Variants in RTL9 observed in about 807,000 individuals in gnomAD.
RTL9 encodes retrotransposon Gag like 9.
In RTL9, 19 loss-of-function variants were observed where a neutral mutation model predicts 44.7. The ratio of observed to expected loss-of-function variants is 0.42; its 90% CI spans 0.30 to 0.62. RTL9 has a LOEUF of 0.62. Among genes scored for constraint, RTL9 ranks in the 20% least tolerant of loss-of-function variants. The probability of loss-of-function intolerance (pLI) is 0.16; values close to 1 mark genes in which losing one functional copy is unlikely to be tolerated. For missense variants in RTL9, 1,105 were observed against 1,080.6 expected (o/e 1.02, Z -0.32); for synonymous variants, 407 against 398.9 (o/e 1.02, Z -0.24).
intron 1 of RTL9, among the ~76,000 whole-genome samples, chrX:110,438,694 G>A (rs764945248): frequency 4.5e-5 from 5 of 110,182 alleles, no homozygotes; most frequent in Non-Finnish European, 9.5e-5. Flanking sequence ...TTTTTTTTTA[G>A]CACTGATATT....
At chrX:110,423,383 AAGG>A (rs1273161957) in intron 1 of RTL9, among the ~76,000 whole-genome samples, 2 of 110,173 alleles carry the variant, frequency 1.8e-5, no homozygotes, top group African/African-American at 6.6e-5. Context: ...GAAGAAGGAG[AAGG>A]AGAAGGAGAG....
intron 1 of RTL9, among the ~76,000 whole-genome samples, chrX:110,413,152 T>C (rs998507917): frequency 1.8e-5 from 2 of 110,306 alleles, no homozygotes; most frequent in South Asian, 3.9e-4. Context: ...ACCTCCCCAC[T>C]ACCGCCCTCT....
intron 1 of RTL9, among the ~76,000 whole-genome samples, chrX:110,401,673 G>T (rs1052311884): frequency 9.0e-6 from 1 of 111,526 alleles, no homozygotes; most frequent in African/African-American, 3.3e-5. Context: ...TTTCTCAGAT[G>T]GCTGAGGGCC....
At chrX:110,367,398 A>G (rs757639104) in intron 1 of RTL9, among the ~76,000 whole-genome samples, 1 of 111,873 alleles carries the variant, frequency 8.9e-6, no homozygotes, top group South Asian at 3.7e-4. Context: ...TATCAAGGTC[A>G]ACAATATCTC....
chrX:110,426,906 A>G (rs2068758500), intron 1 of RTL9: 1 of 112,321 alleles, frequency 8.9e-6, no homozygotes, highest in Non-Finnish European at 1.9e-5. Context: ...CCCATGTCCT[A>G]CCCTAAGCCT....
Position 110,433,833 on chromosome X carries a change from T to C in RTL9, c.-167-11320T>C, listed in dbSNP as rs530629498. Among the ~76,000 whole-genome samples, 50 of 112,585 alleles carry C rather than the reference T, an allele frequency of 4.4e-4. No individual in the cohort carries two copies. The Admixed American group carries it at 4.7e-3, about 11-fold the overall frequency. ...TAACTACAGGACTTAGCAACTATTA[T>C]TTTTATTTCCAGTTTACAAATGAGG... On this transcript the variant is annotated intron_variant, in intron 1 of 3. Transcript: ENST00000465301.
intron 1 of RTL9, among the ~76,000 whole-genome samples, chrX:110,365,454 G>A (rs1472145399): frequency 8.9e-6 from 1 of 112,135 alleles, no homozygotes; most frequent in Non-Finnish European, 1.9e-5. Flanking sequence ...TTTAGTTCAT[G>A]TGACAATATC....
At chrX:110,408,858 C>G (rs1051359321) in intron 1 of RTL9, among the ~76,000 whole-genome samples, 1 of 112,532 alleles carries the variant, frequency 8.9e-6, no homozygotes, top group African/African-American at 3.2e-5. Context: ...GCTTTATTTT[C>G]TCTTTATGTG....
intron 1 of RTL9, among the ~76,000 whole-genome samples, chrX:110,399,830 C>T (rs1182119735): frequency 2.7e-5 from 3 of 111,288 alleles, no homozygotes; most frequent in Non-Finnish European, 3.8e-5. Context: ...CTATGGAGTT[C>T]GAAGATAATT....
chrX:110,387,746 A>G (rs2068465803), intron 1 of RTL9, among the ~76,000 whole-genome samples: 2 of 111,432 alleles, frequency 1.8e-5, no homozygotes, highest in Non-Finnish European at 3.8e-5. Flanking sequence ...TCTTTCAACA[A>G]TCTGTCTTTA....
chrX:110,446,765 C>G (rs1344765751), upstream of RTL9, among the ~76,000 whole-genome samples: 2 of 111,729 alleles, frequency 1.8e-5, no homozygotes, highest in African/African-American at 6.5e-5. Context: ...ATAGTGGCTG[C>G]TACAATTGCA....
At chrX:110,370,199 T>A (rs941835078) in intron 1 of RTL9, among the ~76,000 whole-genome samples, 6 of 111,671 alleles carry the variant, frequency 5.4e-5, no homozygotes, top group East Asian at 5.6e-4. Flanking sequence ...TTAAAATTTT[T>A]AAATTTTTAT....
At chrX:110,372,515 A>G (rs986200032) in intron 1 of RTL9, among the ~76,000 whole-genome samples, 5 of 111,349 alleles carry the variant, frequency 4.5e-5, no homozygotes, top group African/African-American at 1.6e-4. Context: ...TTTTAACTTA[A>G]CAACACACCT....
Position 110,408,334 on chromosome X carries a change from C to T in RTL9, c.-167-36819C>T, listed in dbSNP as rs2068617047. 3.6e-5 allele frequency among the ~76,000 whole-genome samples: 4 copies of T among 111,750 alleles called. No homozygotes were observed. The South Asian group carries it at 1.5e-3, about 42-fold the overall frequency. On this transcript the variant is annotated intron_variant, in intron 1 of 2. Transcript: ENST00000520821. ...GTGGCTCTCAACTGAGACAATACTG[C>T]CCCCTAGGGGACTTTTGGAAAATGC...
intron 1 of RTL9, among the ~76,000 whole-genome samples, chrX:110,431,738 T>C (rs1468391547): frequency 8.9e-6 from 1 of 111,852 alleles, no homozygotes; most frequent in African/African-American, 3.3e-5. Context: ...TTCTTTCTCA[T>C]ACGCCCTTGA....
intron 1 of RTL9, among the ~76,000 whole-genome samples, chrX:110,374,028 T>C (rs1394651903): frequency 3.6e-5 from 4 of 111,663 alleles, no homozygotes; most frequent in African/African-American, 1.3e-4. Context: ...ACACACATGA[T>C]ATAACAAGAA....
At chrX:110,406,740 C>G (rs1161088066) in intron 1 of RTL9, among the ~76,000 whole-genome samples, 5 of 112,160 alleles carry the variant, frequency 4.5e-5, no homozygotes, top group Non-Finnish European at 9.4e-5. Context: ...AAGCATTCCT[C>G]TTTTTGGTTC....
intron 1 of RTL9, among the ~76,000 whole-genome samples, chrX:110,365,257 C>G (rs888088039): frequency 1.8e-5 from 2 of 111,596 alleles, no homozygotes; most frequent in Admixed American, 1.9e-4. Context: ...AAGATAGGGT[C>G]AGGAGCCTGC....
intron 1 of RTL9, among the ~76,000 whole-genome samples, chrX:110,375,884 C>T (rs2068373163): frequency 9.0e-6 from 1 of 111,417 alleles, no homozygotes; most frequent in African/African-American, 3.3e-5. Context: ...CATGTTCTGT[C>T]ATTTGCATTC....
Sources: allele counts gnomAD v4.1 joint callset (sites outside exome capture counted in the v4.1 genomes callset), GRCh38; gene constraint gnomAD v4.1.1; transcripts MANE v1.5; gene names NCBI Gene and HGNC (gene_info 2026-07-23, HGNC 2026-07-21).